The following ARHGEF10L variants were observed in gnomAD, a reference collection of about 807,000 sequenced individuals.
ARHGEF10L encodes the protein rho guanine nucleotide exchange factor 10-like protein.
Under a neutral mutation model 141.2 loss-of-function variants are expected in ARHGEF10L, and 69 were observed. The observed-to-expected ratio is 0.49, with a 90% CI of 0.40 to 0.60. The LOEUF (loss-of-function observed/expected upper bound fraction) is 0.60. Among genes scored for constraint, ARHGEF10L ranks in the 20% least tolerant of loss-of-function variants. The pLI, the probability that ARHGEF10L is intolerant of heterozygous loss-of-function variation, is 0.00. For missense variants in ARHGEF10L, 1,482 were observed against 1,734.3 expected (o/e 0.85, Z 2.58); for synonymous variants, 711 against 718.5 (o/e 0.99, Z 0.17).
rs201247982 is a variant in ARHGEF10L at position 17,587,608 on chromosome 1, C to T, written c.186C>T (p.Asp62=). The change falls in exon 3 of 29, where the codon GAC becomes GAT. Residue 62 remains aspartate (D), a synonymous_variant. Coordinates refer to ENST00000361221, the MANE Select transcript of ARHGEF10L (RefSeq NM_018125.4). Reference sequence around the variant, plus strand: ...GCCTTGCTCCTGAGAGGGACACAGACCCCCCACTGATCCACTTGGACTCCA... The same window carrying T: ...GCCTTGCTCCTGAGAGGGACACAGATCCCCCACTGATCCACTTGGACTCCA... ...VPSLAPERDT[D]PPLIHLDSIP... The T allele has an allele frequency of 1.2e-5, 20 of 1,613,654 alleles. No homozygotes were observed. The highest frequency in any genetic ancestry group is 1.4e-5 in the Non-Finnish European group (16 of 1,179,874).
chr1:17,544,342 G>A (rs961385622), intron 1 of ARHGEF10L, among the ~76,000 whole-genome samples: 4 of 151,726 alleles, frequency 2.6e-5, no homozygotes, highest in Admixed American at 1.3e-4. Context: ...TCAGGCTGGA[G>A]TGCAATGGCA....
At chr1:17,675,425 G>A (rs1290721668) in intron 26 of ARHGEF10L, among the ~76,000 whole-genome samples, 7 of 152,304 alleles carry the variant, frequency 4.6e-5, no homozygotes, top group South Asian at 4.1e-4. Flanking sequence ...TACTGTGCAC[G>A]TATGGGTGCA....
chr1:17,588,004 C>T (rs1463525837), intron 3 of ARHGEF10L, among the ~76,000 whole-genome samples: 6 of 152,218 alleles, frequency 3.9e-5, no homozygotes, highest in Admixed American at 3.9e-4. Flanking sequence ...CTCCTGTCTG[C>T]CTTGGGGAGC....
At chr1:17,657,373 G>A (rs886741436) in intron 25 of ARHGEF10L, among the ~76,000 whole-genome samples, 14 of 152,284 alleles carry the variant, frequency 9.2e-5, no homozygotes, top group African/African-American at 2.4e-4. Context: ...GAGACCAGAC[G>A]CACCTTCTCC....
chr1:17,654,178 G>A lies in ARHGEF10L; in HGVS notation c.2395-458G>A, dbSNP rs988133645. 6.6e-6 allele frequency among the ~76,000 whole-genome samples: 1 copy of A among 152,208 alleles called. No individual in the cohort carries two copies. The highest frequency in any genetic ancestry group is 2.4e-5 in the African/African-American group (1 of 41,456). On this transcript the variant is annotated intron_variant, in intron 22 of 28. Coordinates refer to ENST00000361221, the MANE Select transcript of ARHGEF10L (RefSeq NM_018125.4). The surrounding 1 kb of genome is among the most constrained non-coding windows in gnomAD (Gnocchi z 4.3). Reference sequence around the variant, plus strand: ...TCTGTGGCAGCTGATTCAGGGGGGAGCAGGCGGAAGGTGGTTACTGGTGAC... The same window carrying A: ...TCTGTGGCAGCTGATTCAGGGGGGAACAGGCGGAAGGTGGTTACTGGTGAC...
intron 1 of ARHGEF10L, among the ~76,000 whole-genome samples, chr1:17,568,819 A>G (rs759556613): frequency 2.6e-5 from 4 of 152,134 alleles, no homozygotes; most frequent in Non-Finnish European, 5.9e-5. Context: ...CTGGTCCCGG[A>G]TTTGACTTCA....
intron 26 of ARHGEF10L, among the ~76,000 whole-genome samples, chr1:17,676,944 C>A (rs1279515641): frequency 6.6e-6 from 1 of 151,906 alleles, no homozygotes; most frequent in East Asian, 1.9e-4. Flanking sequence ...CTCCTCTGGG[C>A]TCCCTTAGTC....
chr1:17,680,947 A>G (rs1452273161), intron 26 of ARHGEF10L, among the ~76,000 whole-genome samples: 1 of 152,004 alleles, frequency 6.6e-6, no homozygotes, highest in Non-Finnish European at 1.5e-5. Context: ...CCATGCCCAG[A>G]TAAGTTTTGT....
intron 1 of ARHGEF10L, 47 bp from the exon 2 acceptor site, chr1:17,580,498 GCTGAAACT>G: frequency 6.6e-7 from 1 of 1,513,552 alleles, no homozygotes; most frequent in Non-Finnish European, 9.1e-7. Context: ...TGTCTCAGTA[GCTGAAACT>G]GCAGCCCTGA....
At chr1:17,541,983 A>G (rs993221057) in intron 1 of ARHGEF10L, among the ~76,000 whole-genome samples, 1 of 151,442 alleles carries the variant, frequency 6.6e-6, no homozygotes, top group African/African-American at 2.4e-5. Context: ...AAAAACGAAA[A>G]CAGAAATTAG....
intron 8 of ARHGEF10L, 43 bp downstream of exon 8, chr1:17,613,217 T>C (rs771669994): frequency 7.2e-6 from 11 of 1,517,290 alleles, no homozygotes; most frequent in Middle Eastern, 1.7e-4. Flanking sequence ...GGGGGCTGTT[T>C]CCAGCTGCAG....
At chr1:17,550,981 T>C (rs2077091077) in intron 1 of ARHGEF10L, among the ~76,000 whole-genome samples, 1 of 152,030 alleles carries the variant, frequency 6.6e-6, no homozygotes, top group Non-Finnish European at 1.5e-5. Flanking sequence ...GTGCAGGTGC[T>C]ATTAAGCGTC....
chr1:17,560,457 TG>T (rs1338298598), intron 1 of ARHGEF10L, among the ~76,000 whole-genome samples: 1 of 152,132 alleles, frequency 6.6e-6, no homozygotes, highest in Non-Finnish European at 1.5e-5. Flanking sequence ...TTTTGTGAAG[TG>T]GGGCCAGGCT....
In ARHGEF10L at chr1:17,615,863, A is replaced by C; in HGVS notation, c.727-231A>C. On this transcript the variant is annotated intron_variant, in intron 8 of 28. Coordinates refer to ENST00000361221, the MANE Select transcript of ARHGEF10L (RefSeq NM_018125.4). This position sits in a 1 kb window ranked among gnomAD's most constrained non-coding sequence, Gnocchi z 4.7. The stretch of plus-strand genomic sequence containing the variant: ...AAATCTGCTCACATAGTCTGTCCTG[A>C]AAGGAAAAAAATCGGTTACAGCCTC... The C allele has an allele frequency of 1.9e-6, 1 of 515,426 alleles. No individual in the cohort carries two copies. Among genetic ancestry groups the C allele is most frequent in the African/African-American group, 1.9e-5 (1 of 52,204 alleles). 31.9% of individuals were successfully genotyped at this position (515,426 alleles called of 1,614,324 possible). A position where few individuals can be genotyped will look rare whatever the true frequency, so the allele number is the denominator to read the frequency against.
In ARHGEF10L at chr1:17,623,046, C is replaced by G. The variant is rs1033928016; in HGVS notation, c.1071C>G (p.Arg357=). The change falls in exon 12 of 29, where the codon CGC becomes CGG. Residue 357 remains arginine (R), a synonymous_variant. Transcript: ENST00000361221. The surrounding 1 kb of genome is among the most constrained non-coding windows in gnomAD (Gnocchi z 4.7). ...TGGAGCCCAAGGCGCTGAGCGCCCG[C>G]AAGTGCCAGGTGGTGTTCTTCCGCG... ...MEMEPKALSA[R]KCQVVFFRVK... 1.2e-6 allele frequency: 2 copies of G among 1,614,116 alleles called. No individual in the cohort carries two copies. The highest frequency in any genetic ancestry group is 1.3e-5 in the African/African-American group (1 of 75,058).
chr1:17,635,588 T>A (rs139897664), intron 18 of ARHGEF10L, among the ~76,000 whole-genome samples: 24 of 152,324 alleles, frequency 1.6e-4, no homozygotes, highest in African/African-American at 5.3e-4. Context: ...CCTGTTTTTG[T>A]CTCATCTGCT....
chr1:17,519,622 A>G, the ARHGEF10L span, among the ~76,000 whole-genome samples: 1 of 151,962 alleles, frequency 6.6e-6, no homozygotes, highest in Non-Finnish European at 1.5e-5. Flanking sequence ...AGAAAATGAA[A>G]AAAAAGGAGG....
At chr1:17,675,436 G>A (rs2063588039) in intron 26 of ARHGEF10L, among the ~76,000 whole-genome samples, 1 of 151,916 alleles carries the variant, frequency 6.6e-6, no homozygotes, top group Non-Finnish European at 1.5e-5. Context: ...TATGGGTGCA[G>A]GTGTGGGTGT....
chr1:17,649,030 C>A (rs1476465022), intron 22 of ARHGEF10L, among the ~76,000 whole-genome samples: 1 of 152,230 alleles, frequency 6.6e-6, no homozygotes, highest in African/African-American at 2.4e-5. Flanking sequence ...CAGGCGGGAG[C>A]CGGCTTTGGC....
Sources: allele counts gnomAD v4.1 joint callset (sites outside exome capture counted in the v4.1 genomes callset), GRCh38; gene constraint gnomAD v4.1.1; non-coding constraint Gnocchi (gnomAD v3.1); transcripts MANE v1.5; gene names NCBI Gene and HGNC (gene_info 2026-07-23, HGNC 2026-07-21).